The following RORA variants were observed in gnomAD, a reference collection of about 807,000 sequenced individuals.
The protein encoded by RORA is nuclear receptor ROR-alpha.
Under a neutral mutation model 69.5 loss-of-function variants are expected in RORA, and 7 were observed. The observed-to-expected ratio is 0.10, with a 90% CI of 0.06 to 0.19. The LOEUF (loss-of-function observed/expected upper bound fraction) is 0.19. Among genes scored for constraint, RORA ranks in the 10% least tolerant of loss-of-function variants. The pLI, the probability that RORA is intolerant of heterozygous loss-of-function variation, is 1.00. For missense variants in RORA, 457 were observed against 663.0 expected (o/e 0.69, Z 3.41); for synonymous variants, 261 against 240.8 (o/e 1.08, Z -0.78).
At chr15:61,048,508 T>C (rs1211427727) in intron 1 of RORA, among the ~76,000 whole-genome samples, 1 of 152,182 alleles carries the variant, frequency 6.6e-6, no homozygotes, top group Non-Finnish European at 1.5e-5. Context: ...GGAACTGTTT[T>C]TCCTTTTGCC....
At chr15:60,824,880 C>T (rs946053787) in intron 1 of RORA, among the ~76,000 whole-genome samples, 1 of 152,168 alleles carries the variant, frequency 6.6e-6, no homozygotes, top group Non-Finnish European at 1.5e-5. Flanking sequence ...AGAATAACAG[C>T]TGGCCAAGGA....
intron 1 of RORA, among the ~76,000 whole-genome samples, chr15:61,065,020 A>G (rs2078237715): frequency 6.6e-6 from 1 of 152,204 alleles, no homozygotes; most frequent in African/African-American, 2.4e-5. Context: ...GTCCAAAGCA[A>G]TTGAGAAAGC....
chr15:61,180,309 C>T (rs528123711), intron 1 of RORA, among the ~76,000 whole-genome samples: 7 of 152,260 alleles, frequency 4.6e-5, no homozygotes, highest in Middle Eastern at 3.4e-3. Flanking sequence ...CCTATCACTA[C>T]TTATTTCCAT....
chr15:61,062,785 A>T (rs971708304), intron 1 of RORA, among the ~76,000 whole-genome samples: 2 of 152,226 alleles, frequency 1.3e-5, no homozygotes, highest in African/African-American at 4.8e-5. Flanking sequence ...TTGAAAAAGC[A>T]GTCTCCATCC....
intron 1 of RORA, among the ~76,000 whole-genome samples, chr15:60,888,462 G>GCA (rs140210215): frequency 4.0e-4 from 61 of 151,308 alleles, no homozygotes; most frequent in East Asian, 9.6e-4. Flanking sequence ...GTGTGCACAT[G>GCA]CACACACACA....
At chr15:60,568,535 C>G (rs1197344313) in intron 2 of RORA, among the ~76,000 whole-genome samples, 1 of 152,204 alleles carries the variant, frequency 6.6e-6, no homozygotes, top group African/African-American at 2.4e-5. Flanking sequence ...GAAGAAGCCC[C>G]TTTTCTCTGA....
intron 1 of RORA, among the ~76,000 whole-genome samples, chr15:61,016,135 C>A (rs1408246109): frequency 2.0e-5 from 3 of 152,134 alleles, no homozygotes; most frequent in African/African-American, 7.2e-5. Flanking sequence ...CTCATTAGTA[C>A]CACAATGTAG....
At chr15:60,508,169 C>G (rs2065574947) in intron 5 of RORA, among the ~76,000 whole-genome samples, 1 of 152,186 alleles carries the variant, frequency 6.6e-6, no homozygotes, top group African/African-American at 2.4e-5. Flanking sequence ...CAGATAAAGT[C>G]TGGAATAGTG....
intron 1 of RORA, chr15:60,682,345 ACT>A (rs1427471270): frequency 6.6e-6 from 1 of 152,090 alleles, no homozygotes; most frequent in Non-Finnish European, 1.5e-5. Context: ...ATGGCCTAGG[ACT>A]CTGGTTTTCA....
In RORA at chr15:60,850,251, G is replaced by C. The variant is rs1327124295; in HGVS notation, c.167-171565C>G. 2.0e-5 allele frequency among the ~76,000 whole-genome samples: 3 copies of C among 152,080 alleles called. No individual in the cohort carries two copies. The East Asian group carries it at 5.8e-4, about 29-fold the overall frequency. ...CCAGCCCAAAGATGAGCCAGCAAGG[G>C]AACTTAGAACAACCCTCTTTGGAAC... On this transcript the variant is annotated intron_variant, in intron 1 of 10. Coordinates refer to ENST00000335670, the MANE Select transcript of RORA (RefSeq NM_134261.3).
At chr15:61,102,586 A>G (rs576367164) in intron 1 of RORA, among the ~76,000 whole-genome samples, 56 of 152,196 alleles carry the variant, frequency 3.7e-4, no homozygotes, top group African/African-American at 1.3e-3. Flanking sequence ...TCAAAAGCAC[A>G]TTTTTGTTTT....
At chr15:60,526,231 A>C (rs1036081466) in intron 3 of RORA, among the ~76,000 whole-genome samples, 2 of 152,182 alleles carry the variant, frequency 1.3e-5, no homozygotes, top group African/African-American at 4.8e-5. Flanking sequence ...TGTATGCGCA[A>C]GTGGTCTCTG....
At chr15:60,999,786 C>A (rs1894688557) in intron 1 of RORA, among the ~76,000 whole-genome samples, 1 of 152,186 alleles carries the variant, frequency 6.6e-6, no homozygotes, top group Non-Finnish European at 1.5e-5. Flanking sequence ...TCCCCCCTCC[C>A]ACCAGCTTCA....
At position 60,827,312 on chromosome 15, in the gene RORA, C is replaced by T. The variant is rs528806357; in HGVS notation, c.167-148626G>A. Among the ~76,000 whole-genome samples the T allele has an allele frequency of 2.0e-5, 3 of 152,320 alleles. 1 individual carries two copies. The highest frequency in any genetic ancestry group is 7.2e-5 in the African/African-American group (3 of 41,566). On this transcript the variant is annotated intron_variant, in intron 1 of 10. Coordinates refer to ENST00000335670, the MANE Select transcript of RORA (RefSeq NM_134261.3). ...AATGCTTTCCAAACGTAAATGACTTCAAACAATGCGTTAGCTCGTGGAAAT... is the reference window on the plus strand; with the variant it reads ...AATGCTTTCCAAACGTAAATGACTTTAAACAATGCGTTAGCTCGTGGAAAT...
intron 1 of RORA, among the ~76,000 whole-genome samples, chr15:60,720,449 C>A (rs943181018): frequency 6.6e-6 from 1 of 152,228 alleles, no homozygotes; most frequent in Admixed American, 6.5e-5. Flanking sequence ...CTGGAACGAA[C>A]CCAGTCACCT....
chr15:60,541,948 C>T (rs2066885229), intron 2 of RORA, among the ~76,000 whole-genome samples: 1 of 152,164 alleles, frequency 6.6e-6, no homozygotes, highest in Non-Finnish European at 1.5e-5. Flanking sequence ...CTTCTTTTGC[C>T]TACAGAGACA....
intron 1 of RORA, among the ~76,000 whole-genome samples, chr15:61,157,013 G>C (rs1160933452): frequency 6.6e-6 from 1 of 152,148 alleles, no homozygotes; most frequent in Non-Finnish European, 1.5e-5. Flanking sequence ...TTTCAAGGTA[G>C]AGTATAATTT....
chr15:61,114,421 G>C (rs1450579065), intron 1 of RORA, among the ~76,000 whole-genome samples: 3 of 152,184 alleles, frequency 2.0e-5, no homozygotes, highest in Non-Finnish European at 4.4e-5. Flanking sequence ...GGGGACCTAT[G>C]TTAATATGAT....
chr15:60,779,614 A>G (rs2072225162), intron 1 of RORA, among the ~76,000 whole-genome samples: 1 of 152,240 alleles, frequency 6.6e-6, no homozygotes, highest in African/African-American at 2.4e-5. Context: ...GCAGCCTTTC[A>G]CTATATGAAC....
Sources: gnomAD v4.1 joint callset for allele counts (sites outside exome capture counted in the v4.1 genomes callset) on GRCh38, gnomAD v4.1.1 for gene constraint, MANE v1.5 for transcripts, NCBI Gene and HGNC (gene_info 2026-07-23, HGNC 2026-07-21) for gene names.